The following PKIB variants were observed in gnomAD, a reference collection of about 807,000 sequenced individuals.
PKIB encodes cAMP-dependent protein kinase inhibitor beta.
A neutral mutation model predicts 4.5 loss-of-function variants in PKIB; 2 were observed. The ratio of observed to expected loss-of-function variants is 0.44; its 90% CI spans 0.18 to 1.39. PKIB has a LOEUF of 1.39. PKIB is among the 40% of genes most tolerant of loss of function. PKIB has a pLI of 0.27. For missense variants in PKIB, 94 were observed against 92.6 expected (o/e 1.02, Z -0.06); for synonymous variants, 38 against 36.0 (o/e 1.06, Z -0.20).
At chr6:122,558,707 A>G (rs1233665830) in intron 2 of PKIB, among the ~76,000 whole-genome samples, 1 of 151,858 alleles carries the variant, frequency 6.6e-6, no homozygotes, top group Non-Finnish European at 1.5e-5. Context: ...AGCCACAGTC[A>G]CCTCCTCTCT....
At chr6:122,570,536 A>G in intron 2 of PKIB, among the ~76,000 whole-genome samples, 1 of 152,160 alleles carries the variant, frequency 6.6e-6, no homozygotes, top group East Asian at 1.9e-4. Context: ...TGCCATTCCA[A>G]CCCCATATGA....
At chr6:122,696,821 A>T (rs966509927) in intron 3 of PKIB, among the ~76,000 whole-genome samples, 1 of 152,252 alleles carries the variant, frequency 6.6e-6, no homozygotes, top group Non-Finnish European at 1.5e-5. Flanking sequence ...AGTGAGGGTC[A>T]GCGTGGACAC....
At chr6:122,577,141 T>C (rs958439250) in intron 2 of PKIB, among the ~76,000 whole-genome samples, 1 of 152,180 alleles carries the variant, frequency 6.6e-6, no homozygotes, top group Admixed American at 6.5e-5. Context: ...TAAAAAATGC[T>C]GTGGGTACAT....
chr6:122,688,335 A>T (rs1256745461), intron 3 of PKIB, among the ~76,000 whole-genome samples: 1 of 152,128 alleles, frequency 6.6e-6, no homozygotes, highest in African/African-American at 2.4e-5. Flanking sequence ...ACTTTTAGTG[A>T]AGAGTTGAAT....
At chr6:122,636,677 C>T (rs1775929630) in intron 2 of PKIB, among the ~76,000 whole-genome samples, 1 of 151,758 alleles carries the variant, frequency 6.6e-6, no homozygotes, top group South Asian at 2.1e-4. Context: ...CATTTAAAAT[C>T]CAAAAAAGGA....
chr6:122,685,211 C>T (rs1778049437), intron 3 of PKIB, among the ~76,000 whole-genome samples: 1 of 152,038 alleles, frequency 6.6e-6, no homozygotes, highest in African/African-American at 2.4e-5. Context: ...TACCAAAAAG[C>T]TGCAGTTTTA....
intron 2 of PKIB, among the ~76,000 whole-genome samples, chr6:122,549,732 C>T (rs948544511): frequency 6.6e-6 from 1 of 151,464 alleles, no homozygotes; most frequent in African/African-American, 2.4e-5. Flanking sequence ...AATTTCCTCT[C>T]ACTTTTCCAG....
intron 2 of PKIB, among the ~76,000 whole-genome samples, chr6:122,546,397 G>A (rs1246312682): frequency 6.6e-6 from 1 of 151,626 alleles, no homozygotes; most frequent in Non-Finnish European, 1.5e-5. Flanking sequence ...TGAGGTGGGG[G>A]CAGGTTGGGG....
intron 2 of PKIB, among the ~76,000 whole-genome samples, chr6:122,584,059 G>A (rs910108902): frequency 3.9e-5 from 6 of 151,986 alleles, no homozygotes; most frequent in African/African-American, 1.2e-4. Context: ...AATTTTACCC[G>A]TGAGAGATTA....
chr6:122,624,233 G>A (rs1775347104), intron 1 of PKIB, among the ~76,000 whole-genome samples: 1 of 152,164 alleles, frequency 6.6e-6, no homozygotes, highest in Non-Finnish European at 1.5e-5. Flanking sequence ...ATAATGGTAT[G>A]ATGAAAGAAT....
At chr6:122,525,489 A>G (rs1467622268) in intron 2 of PKIB, among the ~76,000 whole-genome samples, 2 of 152,118 alleles carry the variant, frequency 1.3e-5, no homozygotes, top group Admixed American at 1.3e-4. Flanking sequence ...GTTAGGTCCA[A>G]TTGGTTTATA....
At chr6:122,707,651 G>C (rs986707952) in intron 3 of PKIB, among the ~76,000 whole-genome samples, 2 of 151,984 alleles carry the variant, frequency 1.3e-5, no homozygotes, top group African/African-American at 4.8e-5. Flanking sequence ...TAACATTCAA[G>C]AAAATTTTAT....
chr6:122,537,242 G>A (rs1035056345), intron 2 of PKIB, among the ~76,000 whole-genome samples: 2 of 151,966 alleles, frequency 1.3e-5, no homozygotes, highest in Admixed American at 6.6e-5. Context: ...ATGTATACAT[G>A]TGCCATGTTG....
chr6:122,517,552 C>T (rs1262689446), intron 2 of PKIB, among the ~76,000 whole-genome samples: 1 of 152,324 alleles, frequency 6.6e-6, no homozygotes, highest in East Asian at 1.9e-4. Context: ...TATTCAGAGA[C>T]ATCAGTCTAA....
rs113216637 is a variant in PKIB, at chr6:122,717,194, A to G, written c.-8-593A>G. On this transcript the variant is annotated intron_variant, in intron 3 of 4. Coordinates refer to ENST00000368452, the MANE Select transcript of PKIB (RefSeq NM_181795.3). ...ACCATGTCAACCTGAAGGTAAAAAA[A>G]CCTAAAATAGGTCCTACTCTTCAAC... is the stretch of plus-strand genomic sequence containing the variant. 6.8e-3 allele frequency among the ~76,000 whole-genome samples: 566 copies of G among 83,692 alleles called. 3 individuals are homozygous for G. Among genetic ancestry groups the G allele is most frequent in the African/African-American group, 0.025 (556 of 22,008 alleles). 54.9% of individuals were successfully genotyped at this position (83,692 alleles called of 152,430 possible).
At chr6:122,701,503 A>G (rs1026481776) in intron 3 of PKIB, 3 of 1,596,160 alleles carry the variant, frequency 1.9e-6, no homozygotes, top group Non-Finnish European at 8.5e-7. Flanking sequence ...ACACCAGGGT[A>G]TAGTTAACAA....
At chr6:122,641,603 G>A (rs1367129077) in intron 2 of PKIB, among the ~76,000 whole-genome samples, 2 of 152,156 alleles carry the variant, frequency 1.3e-5, no homozygotes, top group East Asian at 3.8e-4. Flanking sequence ...AAATAATTAG[G>A]AGGCCATTCA....
intron 2 of PKIB, among the ~76,000 whole-genome samples, chr6:122,636,799 T>G (rs183278816): frequency 6.6e-6 from 1 of 152,246 alleles, no homozygotes; most frequent in Admixed American, 6.5e-5. Context: ...TATTTCCCAG[T>G]ATTAAAGCAT....
At chr6:122,587,773 G>T (rs1338446423) in intron 3 of PKIB, among the ~76,000 whole-genome samples, 1 of 152,124 alleles carries the variant, frequency 6.6e-6, no homozygotes, top group Non-Finnish European at 1.5e-5. Context: ...TTCTCTGATG[G>T]CCAGTGATGA....
Sources: gnomAD v4.1 joint callset for allele counts (sites outside exome capture counted in the v4.1 genomes callset) on GRCh38, gnomAD v4.1.1 for gene constraint, MANE v1.5 for transcripts, NCBI Gene and HGNC (gene_info 2026-07-23, HGNC 2026-07-21) for gene names.